RALY: variants seen among roughly 807,000 people sequenced by gnomAD.
RALY encodes the protein RALY heterogeneous nuclear ribonucleoprotein.
Under a neutral mutation model 30.7 loss-of-function variants are expected in RALY, and 15 were observed. That is an observed-to-expected ratio of 0.49 (90% CI 0.33 to 0.75). The LOEUF is 0.75. RALY is among the 30% of genes least tolerant of loss of function. The pLI, the probability that RALY is intolerant of heterozygous loss-of-function variation, is 0.02. For missense variants in RALY, 339 were observed against 414.3 expected (o/e 0.82, Z 1.58); for synonymous variants, 177 against 170.8 (o/e 1.04, Z -0.28).
chr20:34,076,300 A>AT, intron 6 of RALY: 1 of 556,398 alleles, frequency 1.8e-6, no homozygotes, highest in South Asian at 2.1e-5. Context: ...TCTAGTAAGG[A>AT]TAAGGACAGG....
chr20:34,073,662 C>T lies in RALY; in HGVS notation c.329+27C>T, dbSNP rs775952303. The stretch of plus-strand genomic sequence containing the variant: ...TGGGGCTGTCTGACTGTCTGTCTGT[C>T]TGGTGGGATGACTCTCTCTTTCCAC... On this transcript the variant is annotated intron_variant, in intron 4 of 9. Coordinates refer to ENST00000246194, the MANE Select transcript of RALY (RefSeq NM_016732.3). 1.9e-6 allele frequency: 3 copies of T among 1,557,812 alleles called. No homozygotes were observed. In the African/African-American group the frequency reaches 4.1e-5, roughly 21 times the overall value.
intron 1 of RALY, among the ~76,000 whole-genome samples, chr20:34,009,232 G>T (rs1322331756): frequency 1.3e-5 from 2 of 150,014 alleles, no homozygotes; most frequent in East Asian, 2.0e-4. Flanking sequence ...TGTGTGTGTG[G>T]TTTTTTTTTG....
intron 1 of RALY, among the ~76,000 whole-genome samples, chr20:34,002,131 T>C (rs914295508): frequency 6.6e-6 from 1 of 152,158 alleles, no homozygotes; most frequent in African/African-American, 2.4e-5. Flanking sequence ...TGCGGATACC[T>C]GTAAGGTGGT....
At chr20:34,039,901 A>T (rs988719156) in intron 2 of RALY, among the ~76,000 whole-genome samples, 1 of 152,182 alleles carries the variant, frequency 6.6e-6, no homozygotes, top group African/African-American at 2.4e-5. Context: ...TCACGAGGTC[A>T]AGAGATTGAG....
intron 2 of RALY, among the ~76,000 whole-genome samples, chr20:34,044,580 C>G (rs11908033): frequency 6.6e-6 from 1 of 152,030 alleles, no homozygotes; most frequent in Non-Finnish European, 1.5e-5. Flanking sequence ...TCAGGTGATC[C>G]GCCTGCCTCG....
intron 1 of RALY, among the ~76,000 whole-genome samples, chr20:33,996,176 C>T (rs1394302325): frequency 6.6e-6 from 1 of 152,080 alleles, no homozygotes; most frequent in Non-Finnish European, 1.5e-5. Context: ...GGAATGGAGA[C>T]ACAGCATAGC....
chr20:33,997,125 T>G lies in RALY; in HGVS notation c.-93+2994T>G, dbSNP rs545930964. On this transcript the variant is annotated intron_variant, in intron 1 of 9. Coordinates refer to ENST00000246194, the MANE Select transcript of RALY (RefSeq NM_016732.3). ...TCTGCAGAAGAGACCTTATACCCTGTTTTTTTTGGAGACGGAGTCTCACTC... is the reference window on the plus strand; with the variant it reads ...TCTGCAGAAGAGACCTTATACCCTGGTTTTTTTGGAGACGGAGTCTCACTC... Among the ~76,000 whole-genome samples, 33 of 151,900 alleles carry G rather than the reference T, an allele frequency of 2.2e-4. 1 individual carries two copies. Among genetic ancestry groups the G allele is most frequent in the African/African-American group, 7.5e-4 (31 of 41,476 alleles).
Position 34,072,166 on chromosome 20 carries a change from C to T in RALY, c.92C>T (p.Ala31Val), listed in dbSNP as rs2033745226. The T allele has an allele frequency of 6.2e-7, 1 of 1,614,256 alleles. No homozygotes were observed. The highest frequency in any genetic ancestry group is 8.5e-7 in the Non-Finnish European group (1 of 1,180,050). ...SRVFIGNLNTALVKKSDVETI... is the reference protein window; with the variant it reads ...SRVFIGNLNTVLVKKSDVETI... ...GTCTTCATTGGAAACCTCAACACAG[C>T]TCTGGTGAAGAAATCAGATGTGGAG... The change falls in exon 3 of 10, where the codon GCT becomes GTT. Residue 31 changes from alanine (A) to valine (V), a missense_variant. Transcript: ENST00000246194.
At chr20:34,036,097 T>C (rs1400063283) in intron 2 of RALY, among the ~76,000 whole-genome samples, 3 of 151,870 alleles carry the variant, frequency 2.0e-5, no homozygotes, top group African/African-American at 7.3e-5. Flanking sequence ...AGGAAGACAT[T>C]GGAGAGTTTT....
chr20:34,032,242 C>T (rs374024593), intron 2 of RALY, among the ~76,000 whole-genome samples: 1 of 152,152 alleles, frequency 6.6e-6, no homozygotes, highest in Non-Finnish European at 1.5e-5. Context: ...GGATTACAAG[C>T]GTGAGCCACC....
intron 3 of RALY, among the ~76,000 whole-genome samples, chr20:34,072,840 A>G (rs1027414738): frequency 3.9e-5 from 6 of 152,158 alleles, no homozygotes; most frequent in Non-Finnish European, 5.9e-5. Context: ...GAAAAGGGGT[A>G]TCTGTATGTG....
At chr20:34,070,723 A>G (rs1455945398) in intron 2 of RALY, among the ~76,000 whole-genome samples, 1 of 152,170 alleles carries the variant, frequency 6.6e-6, no homozygotes, top group Admixed American at 6.5e-5. Context: ...CTGGTAAAAT[A>G]TGAGTAATCA....
intron 3 of RALY, among the ~76,000 whole-genome samples, chr20:34,072,743 A>G (rs957734400): frequency 1.3e-5 from 2 of 152,212 alleles, no homozygotes; most frequent in Non-Finnish European, 2.9e-5. Flanking sequence ...TGTCATGTCC[A>G]TGTGATATGA....
chr20:34,009,162 G>T (rs1292127927), intron 1 of RALY, among the ~76,000 whole-genome samples: 1 of 151,884 alleles, frequency 6.6e-6, no homozygotes, highest in Admixed American at 6.6e-5. Context: ...TTATAAGAGT[G>T]GGGGTAGGCC....
At chr20:34,012,450 C>CTTTCTCTTCTCTTTCTCTTCTT (rs1362178273) in intron 1 of RALY, among the ~76,000 whole-genome samples, 2 of 152,050 alleles carry the variant, frequency 1.3e-5, no homozygotes, top group Admixed American at 6.6e-5. Context: ...TGCCTCTTCT[C>CTTTCTCTTCTCTTTCTCTTCTT]TTTCTCTTCT....
intron 2 of RALY, among the ~76,000 whole-genome samples, chr20:34,048,929 A>G (rs2032983641): frequency 6.6e-6 from 1 of 151,914 alleles, no homozygotes; most frequent in South Asian, 2.1e-4. Context: ...TCAGCCTTCA[A>G]CAGATACTTT....
intron 1 of RALY, among the ~76,000 whole-genome samples, chr20:34,009,619 T>C (rs1601407543): frequency 6.6e-6 from 1 of 152,198 alleles, no homozygotes; most frequent in Non-Finnish European, 1.5e-5. Context: ...CAAAGAGACA[T>C]GGCTTGGATC....
In RALY at chr20:34,077,086, C is replaced by CGGTGGCGGTGGCAGTGGT. The variant is rs774551481; in HGVS notation, c.730_747dup (p.Ser244_Gly249dup). On this transcript the variant is annotated inframe_insertion, in exon 8 of 10. Coordinates refer to ENST00000246194, the MANE Select transcript of RALY (RefSeq NM_016732.3). ...GCGGCGGCGGCGGTGGTGGTGGCAG[C>CGGTGGCGGTGGCAGTGGT]GGTGGCGGTGGCAGTGGTGGTGGCG... The CGGTGGCGGTGGCAGTGGT allele has an allele frequency of 6.2e-7, 1 of 1,603,518 alleles. No individual in the cohort carries two copies. Among genetic ancestry groups the CGGTGGCGGTGGCAGTGGT allele is most frequent in the Non-Finnish European group, 8.5e-7 (1 of 1,174,998 alleles).
intron 1 of RALY, among the ~76,000 whole-genome samples, chr20:34,026,943 CTTTA>C (rs2032066117): frequency 6.6e-6 from 1 of 152,170 alleles, no homozygotes; most frequent in East Asian, 1.9e-4. Flanking sequence ...TTGTTTATTC[CTTTA>C]TTTACTCACA....
Sources: gnomAD v4.1 joint callset for allele counts (sites outside exome capture counted in the v4.1 genomes callset) on GRCh38, gnomAD v4.1.1 for gene constraint, MANE v1.5 for transcripts, NCBI Gene and HGNC (gene_info 2026-07-23, HGNC 2026-07-21) for gene names.